ZDHHC11B: variants seen among roughly 807,000 people sequenced by gnomAD.
ZDHHC11B encodes the protein probable palmitoyltransferase ZDHHC11B.
Under a neutral mutation model 42.3 loss-of-function variants are expected in ZDHHC11B, and 17 were observed. The ratio of observed to expected loss-of-function variants is 0.40; its 90% confidence interval spans 0.27 to 0.60. The LOEUF (loss-of-function observed/expected upper bound fraction) is 0.60. ZDHHC11B is among the 20% of genes least tolerant of loss of function. ZDHHC11B has a pLI of 0.41. For missense variants in ZDHHC11B, 262 were observed against 463.2 expected (o/e 0.57, Z 3.99); for synonymous variants, 123 against 193.5 (o/e 0.64, Z 3.02).
At chr5:780,081 TAA>T (rs1199747279) in intron 1 of ZDHHC11B, among the ~76,000 whole-genome samples, 2 of 147,538 alleles carry the variant, frequency 1.4e-5, no homozygotes, top group East Asian at 3.9e-4. Context: ...TACAAAAGGC[TAA>T]GACATTGCAA....
In ZDHHC11B at chr5:763,136, G is replaced by A. The variant is rs182443855; in HGVS notation, c.222+3562C>T. 4.5e-4 allele frequency among the ~76,000 whole-genome samples: 68 copies of A among 151,926 alleles called. No homozygotes were observed. The East Asian group carries it at 8.6e-3, about 19-fold the overall frequency. ...TATAATCCCAGCACTTTGGGAGACC[G>A]AGGTGGGTGGATCACAAGGTCAGGA... is the stretch of plus-strand genomic sequence containing the variant. On this transcript the variant is annotated intron_variant, in intron 4 of 13. Coordinates refer to ENST00000508859, the MANE Select transcript of ZDHHC11B (RefSeq NM_001351303.2).
intron 1 of ZDHHC11B, among the ~76,000 whole-genome samples, chr5:783,133 A>C (rs1405831362): frequency 3.3e-5 from 5 of 152,322 alleles, no homozygotes; most frequent in East Asian, 3.9e-4. Flanking sequence ...TTTCTGAATC[A>C]GAGATCCCTT....
Position 733,794 on chromosome 5 carries a change from G to C in ZDHHC11B, c.981C>G (p.His327Gln). 1 of 1,610,310 alleles carries C rather than the reference G, an allele frequency of 6.2e-7. No individual in the cohort carries two copies. Among genetic ancestry groups the C allele is most frequent in the Non-Finnish European group, 8.5e-7 (1 of 1,179,316 alleles). ...SSLLIYKCPC[H>Q]FCTSVNQDGD... ...CGTCCTGGTTTACTGAAGTGCAGAA[G>C]TGACATGGGCATTTGTAAATCAGCA... The change falls in exon 11 of 14, where the codon CAC (histidine) becomes CAG (glutamine). Residue 327 changes from histidine to glutamine, a missense_variant. Physicochemically the swap from His to Gln is conservative, Grantham distance 24. Transcript: ENST00000508859.
intron 1 of ZDHHC11B, among the ~76,000 whole-genome samples, chr5:771,506 A>G (rs1736039511): frequency 8.1e-6 from 1 of 123,792 alleles, no homozygotes; most frequent in Admixed American, 8.6e-5. Flanking sequence ...TGGGGGCAGG[A>G]TCCTGGGGGT....
intron 7 of ZDHHC11B, among the ~76,000 whole-genome samples, chr5:750,815 TG>T (rs1262137733): frequency 5.4e-5 from 7 of 129,336 alleles, no homozygotes; most frequent in African/African-American, 1.8e-4. Flanking sequence ...CACAGGATGG[TG>T]TGACAGGTGC....
intron 1 of ZDHHC11B, among the ~76,000 whole-genome samples, chr5:777,027 AGT>A (rs1353536496): frequency 6.6e-6 from 1 of 151,822 alleles, no homozygotes; most frequent in Non-Finnish European, 1.5e-5. Flanking sequence ...CACAGGACGC[AGT>A]GTGTCTGGAA....
chr5:777,767 T>C (rs1166340129), intron 1 of ZDHHC11B, among the ~76,000 whole-genome samples: 3 of 151,988 alleles, frequency 2.0e-5, no homozygotes, highest in African/African-American at 7.3e-5. Context: ...TAGCTTTCTC[T>C]ATCGGATCCT....
chr5:769,798 C>G (rs1454071601), intron 1 of ZDHHC11B, among the ~76,000 whole-genome samples: 3 of 151,964 alleles, frequency 2.0e-5, no homozygotes, highest in Non-Finnish European at 4.4e-5. Context: ...ATTCAAGGAG[C>G]AGGGTGGGCC....
chr5:729,791 G>T lies in ZDHHC11B; in HGVS notation c.1058+643C>A, dbSNP rs1742877992. Among the ~76,000 whole-genome samples the T allele has an allele frequency of 2.0e-5, 3 of 151,922 alleles. No homozygotes were observed. In the South Asian group the frequency reaches 6.2e-4, roughly 32 times the overall value. On this transcript the variant is annotated intron_variant, in intron 12 of 13. Coordinates refer to ENST00000508859, the MANE Select transcript of ZDHHC11B (RefSeq NM_001351303.2). ...AAAGGAAAATGCAATAGCAAACAAG[G>T]AGTAAATAACTTACTCAGCATCATG...
intron 12 of ZDHHC11B, among the ~76,000 whole-genome samples, chr5:719,355 T>C (rs576601505): frequency 1.3e-5 from 2 of 151,848 alleles, no homozygotes; most frequent in South Asian, 4.2e-4. Context: ...TTTGAATTAC[T>C]AGTCAAAGAC....
intron 1 of ZDHHC11B, among the ~76,000 whole-genome samples, chr5:769,687 G>A (rs1735816743): frequency 6.6e-6 from 1 of 151,934 alleles, no homozygotes; most frequent in Non-Finnish European, 1.5e-5. Context: ...GGCCAACAAA[G>A]TGCCCCTGAC....
intron 4 of ZDHHC11B, among the ~76,000 whole-genome samples, chr5:766,202 G>A (rs560446063): frequency 1.8e-4 from 27 of 151,826 alleles, no homozygotes; most frequent in African/African-American, 6.3e-4. Flanking sequence ...ATGAGTCCCC[G>A]CCTGATGGGA....
chr5:777,190 T>TCGCTGACTTTAGGAGTGAAGC (rs1176113775), intron 1 of ZDHHC11B, among the ~76,000 whole-genome samples: 1 of 151,934 alleles, frequency 6.6e-6, no homozygotes, highest in Non-Finnish European at 1.5e-5. Context: ...GTTCGTGGTC[T>TCGCTGACTTTAGGAGTGAAGC]CGCTGACTTT....
intron 13 of ZDHHC11B, among the ~76,000 whole-genome samples, chr5:713,312 G>C (rs1741509101): frequency 6.6e-6 from 1 of 151,982 alleles, no homozygotes; most frequent in South Asian, 2.1e-4. Context: ...TTTCTCATAA[G>C]TTTTATTTGG....
At chr5:761,635 T>G (rs2150203592) in intron 4 of ZDHHC11B, among the ~76,000 whole-genome samples, 1 of 151,964 alleles carries the variant, frequency 6.6e-6, no homozygotes, top group African/African-American at 2.4e-5. Flanking sequence ...GTTGCCACGT[T>G]CCAGCACCTC....
intron 4 of ZDHHC11B, among the ~76,000 whole-genome samples, chr5:766,243 TG>T (rs1387518335): frequency 1.4e-4 from 21 of 151,882 alleles, no homozygotes; most frequent in African/African-American, 4.1e-4. Context: ...CCCTACCCAC[TG>T]GGAGACAGGA....
intron 10 of ZDHHC11B, among the ~76,000 whole-genome samples, chr5:735,877 T>C (rs1283582900): frequency 6.8e-6 from 1 of 148,122 alleles, no homozygotes; most frequent in African/African-American, 2.5e-5. Context: ...AAAGCATAAA[T>C]CTTACAGGAC....
At chr5:777,847 G>A (rs1392254362) in intron 1 of ZDHHC11B, among the ~76,000 whole-genome samples, 4 of 152,068 alleles carry the variant, frequency 2.6e-5, no homozygotes, top group African/African-American at 9.6e-5. Context: ...CCCTTGGGCG[G>A]TCCATGGGAC....
intron 12 of ZDHHC11B, among the ~76,000 whole-genome samples, chr5:719,682 AC>A (rs1222288844): frequency 7.3e-5 from 11 of 151,492 alleles, no homozygotes; most frequent in African/African-American, 2.7e-4. Flanking sequence ...TTTGTTAGAC[AC>A]CATCAAGGGT....
Sources: gnomAD v4.1 joint callset for allele counts (sites outside exome capture counted in the v4.1 genomes callset) on GRCh38, gnomAD v4.1.1 for gene constraint, MANE v1.5 for transcripts, NCBI Gene and HGNC (gene_info 2026-07-23, HGNC 2026-07-21) for gene names.